Variants in CERT1 observed in about 807,000 individuals in gnomAD.
CERT1 encodes ceramide transfer protein.
CERT1 carries 31 observed loss-of-function variants against 87.9 expected under a neutral mutation model. That is an observed-to-expected ratio of 0.35 (90% confidence interval 0.27 to 0.48). CERT1 has a LOEUF of 0.48. Ranked by LOEUF, CERT1 falls within the 20% of genes least tolerant of loss-of-function variation. The pLI, the probability that CERT1 is intolerant of heterozygous loss-of-function variation, is 0.99. For synonymous variants in CERT1, 289 were observed against 250.9 expected, an observed-to-expected ratio of 1.15 and a Z score of -1.44; for missense variants, 487 against 758.0, an observed-to-expected ratio of 0.64 and a Z score of 4.20.
intron 2 of CERT1, among the ~76,000 whole-genome samples, chr5:75,471,312 G>A (rs1459625913): frequency 6.6e-6 from 1 of 152,134 alleles, no homozygotes; most frequent in Non-Finnish European, 1.5e-5. Context: ...TTACTCTACT[G>A]AATACTTTAG....
chr5:75,410,555 A>G (rs901955940), intron 8 of CERT1: 1 of 150,848 alleles, frequency 6.6e-6, no homozygotes, highest in African/African-American at 2.4e-5. Flanking sequence ...GCTTGCAGTG[A>G]GCCGAGATCG....
At chr5:75,388,486 A>G (rs1424151473) in intron 12 of CERT1, among the ~76,000 whole-genome samples, 5 of 151,346 alleles carry the variant, frequency 3.3e-5, no homozygotes, top group Non-Finnish European at 5.9e-5. Flanking sequence ...CTGCATTGTA[A>G]AACAATCTAA....
chr5:75,461,972 ACAAT>A (rs1765252824), intron 2 of CERT1, among the ~76,000 whole-genome samples: 1 of 152,218 alleles, frequency 6.6e-6, no homozygotes, highest in East Asian at 1.9e-4. Context: ...TCATTCAGTA[ACAAT>A]CAATCCTGTC....
chr5:75,403,129 T>C, intron 8 of CERT1, 71 bp from the exon 9 acceptor site: 1 of 999,656 alleles, frequency 1.0e-6, no homozygotes, highest in Non-Finnish European at 1.6e-6. Flanking sequence ...ACTCTGGTAT[T>C]AACTTGAGTT....
intron 2 of CERT1, among the ~76,000 whole-genome samples, chr5:75,472,031 C>T (rs577470024): frequency 1.7e-4 from 26 of 152,230 alleles, no homozygotes; most frequent in African/African-American, 6.3e-4. Context: ...AAATATACTA[C>T]ACAAAACTAT....
chr5:75,458,918 A>C, intron 3 of CERT1, 147 bp downstream of exon 3: 1 of 567,824 alleles, frequency 1.8e-6, no homozygotes, highest in Non-Finnish European at 3.2e-6. Flanking sequence ...TATTTCAAAA[A>C]TTTACATATG....
intron 2 of CERT1, 30 bp from the exon 3 acceptor site, chr5:75,459,211 A>T: frequency 2.2e-6 from 3 of 1,358,270 alleles, no homozygotes; most frequent in Non-Finnish European, 3.2e-6. Flanking sequence ...AATGAAAAGC[A>T]AAGCTAATTA....
chr5:75,370,911 C>T, intron 17 of CERT1: 1 of 148,450 alleles, frequency 6.7e-6, no homozygotes, highest in Non-Finnish European at 1.5e-5. Flanking sequence ...AAGATCCCAC[C>T]ACTGCACTCC....
At chr5:75,465,177 T>C (rs1055031483) in intron 2 of CERT1, among the ~76,000 whole-genome samples, 2 of 152,186 alleles carry the variant, frequency 1.3e-5, no homozygotes, top group African/African-American at 4.8e-5. Context: ...TGCTTTCTAA[T>C]AGCCCTGGTT....
intron 16 of CERT1, 151 bp from the exon 17 acceptor site, chr5:75,379,624 T>C (rs1761477186): frequency 2.7e-6 from 2 of 738,122 alleles, no homozygotes; most frequent in Non-Finnish European, 4.3e-6. Context: ...TCTTGCTCTG[T>C]TGCCAGGGTG....
At chr5:75,479,714 T>C (rs1282604408) in intron 2 of CERT1, among the ~76,000 whole-genome samples, 1 of 152,216 alleles carries the variant, frequency 6.6e-6, no homozygotes, top group Non-Finnish European at 1.5e-5. Flanking sequence ...GTTGACTCCA[T>C]GTCTTTTTTT....
intron 2 of CERT1, among the ~76,000 whole-genome samples, chr5:75,499,730 A>C (rs1767255026): frequency 6.6e-6 from 1 of 152,202 alleles, no homozygotes; most frequent in Non-Finnish European, 1.5e-5. Flanking sequence ...TTTAACAGTC[A>C]TGTTCCTACA....
intron 17 of CERT1, chr5:75,370,068 A>C (rs542047816): frequency 6.6e-6 from 1 of 152,308 alleles, no homozygotes; most frequent in East Asian, 1.9e-4. Flanking sequence ...TCTAAAGAAA[A>C]ACTGCACAGT....
At chr5:75,418,097 G>A (rs1217819452) in intron 6 of CERT1, among the ~76,000 whole-genome samples, 2 of 152,084 alleles carry the variant, frequency 1.3e-5, no homozygotes, top group Non-Finnish European at 2.9e-5. Context: ...TGGAGGTTGC[G>A]GTGAGCTGAG....
At chr5:75,490,489 C>T (rs938441479) in intron 2 of CERT1, among the ~76,000 whole-genome samples, 11 of 149,276 alleles carry the variant, frequency 7.4e-5, no homozygotes, top group South Asian at 6.5e-4. Flanking sequence ...AACACCTGTA[C>T]GAAATTTTTA....
intron 2 of CERT1, among the ~76,000 whole-genome samples, chr5:75,465,632 G>A (rs951266175): frequency 6.6e-6 from 1 of 152,170 alleles, no homozygotes; most frequent in African/African-American, 2.4e-5. Context: ...GGTAGACTAG[G>A]CAACAAAAAC....
intron 1 of CERT1, among the ~76,000 whole-genome samples, chr5:75,509,614 G>A (rs1767821741): frequency 6.6e-6 from 1 of 151,602 alleles, no homozygotes; most frequent in Non-Finnish European, 1.5e-5. Flanking sequence ...TTTTCCCCCG[G>A]TCACTCCACT....
At chr5:75,436,775 A>G (rs892987610) in intron 3 of CERT1, among the ~76,000 whole-genome samples, 1 of 152,004 alleles carries the variant, frequency 6.6e-6, no homozygotes, top group Non-Finnish European at 1.5e-5. Flanking sequence ...TTGAATATAT[A>G]TGTTTTTTCT....
Position 75,416,873 on chromosome 5 carries a change from T to C in CERT1, c.837+3A>G, listed in dbSNP as rs1763153872. 6.3e-7 allele frequency: 1 copy of C among 1,595,318 alleles called. No homozygotes were observed. The highest frequency in any genetic ancestry group is 8.5e-7 in the Non-Finnish European group (1 of 1,174,258). On this transcript the variant is annotated splice_donor_region_variant and intron_variant, in intron 7 of 16. Coordinates refer to ENST00000643780, the MANE Select transcript of CERT1 (RefSeq NM_001379029.1). ...TTTTAAAAGGAAAAAAACCTAGTCTTACCTTATCCAGTCTCTTCTGCCAGC... is the reference window on the plus strand; with the variant it reads ...TTTTAAAAGGAAAAAAACCTAGTCTCACCTTATCCAGTCTCTTCTGCCAGC...
Sources: allele counts gnomAD v4.1 joint callset (sites outside exome capture counted in the v4.1 genomes callset), GRCh38; gene constraint gnomAD v4.1.1; transcripts MANE v1.5; gene names NCBI Gene and HGNC (gene_info 2026-07-23, HGNC 2026-07-21).